Variants in HS6ST3 observed in about 807,000 individuals in gnomAD.
HS6ST3 encodes the protein heparan-sulfate 6-O-sulfotransferase 3.
Under a neutral mutation model 36.7 loss-of-function variants are expected in HS6ST3, and 12 were observed. The ratio of observed to expected loss-of-function variants is 0.33; its 90% CI spans 0.21 to 0.53. HS6ST3 has a LOEUF of 0.53. Among genes scored for constraint, HS6ST3 ranks in the 20% least tolerant of loss-of-function variants. HS6ST3 has a pLI of 0.95. For missense variants in HS6ST3, 584 were observed against 640.9 expected (o/e 0.91, Z 0.96); for synonymous variants, 240 against 257.5 (o/e 0.93, Z 0.65).
intron 1 of HS6ST3, among the ~76,000 whole-genome samples, chr13:96,629,128 T>C (rs937268913): frequency 6.6e-6 from 1 of 152,216 alleles, no homozygotes; most frequent in African/African-American, 2.4e-5. Context: ...CTAAAATGCA[T>C]AATTAGCACA....
chr13:96,557,201 T>C (rs2056244416), intron 1 of HS6ST3, among the ~76,000 whole-genome samples: 1 of 152,202 alleles, frequency 6.6e-6, no homozygotes, highest in Non-Finnish European at 1.5e-5. Context: ...TGCAAGTACC[T>C]GTGAGGTGGG....
intron 1 of HS6ST3, among the ~76,000 whole-genome samples, chr13:96,829,679 C>A (rs184753551): frequency 6.6e-6 from 1 of 152,216 alleles, no homozygotes; most frequent in Admixed American, 6.5e-5. Context: ...TTTATGGATG[C>A]ATAGTATTCC....
chr13:96,442,514 A>G (rs2055676626), intron 1 of HS6ST3, among the ~76,000 whole-genome samples: 1 of 152,232 alleles, frequency 6.6e-6, no homozygotes, highest in African/African-American at 2.4e-5. Flanking sequence ...ATCAATCAGG[A>G]AACCAGAATA....
intron 1 of HS6ST3, among the ~76,000 whole-genome samples, chr13:96,732,152 T>G (rs1343708310): frequency 6.6e-6 from 1 of 152,202 alleles, no homozygotes; most frequent in African/African-American, 2.4e-5. Flanking sequence ...TCCCTGATGA[T>G]TCATGAAACT....
At chr13:96,721,955 A>G (rs552874332) in intron 1 of HS6ST3, among the ~76,000 whole-genome samples, 3 of 152,204 alleles carry the variant, frequency 2.0e-5, no homozygotes, top group Non-Finnish European at 4.4e-5. Flanking sequence ...CATTTAAGTA[A>G]GAGATGGTTA....
intron 1 of HS6ST3, among the ~76,000 whole-genome samples, chr13:96,718,104 G>A (rs2138466484): frequency 6.6e-6 from 1 of 152,228 alleles, no homozygotes; most frequent in Non-Finnish European, 1.5e-5. Flanking sequence ...GAGATGTCCT[G>A]AATGCCCCAG....
chr13:96,459,100 T>TAAAAAAAAAAAAAAAAAAAA (rs747439262), intron 1 of HS6ST3, among the ~76,000 whole-genome samples: 643 of 63,804 alleles, frequency 0.01, 50 homozygotes, highest in Non-Finnish European at 0.013. Context: ...CAAGACTGTC[T>TAAAAAAAAAAAAAAAAAAAA]AAAAAAAAAA....
At chr13:96,784,421 A>G (rs1033391810) in intron 1 of HS6ST3, among the ~76,000 whole-genome samples, 3 of 152,154 alleles carry the variant, frequency 2.0e-5, no homozygotes, top group African/African-American at 7.2e-5. Flanking sequence ...ATAAAGTAAC[A>G]TATGCTAATA....
At chr13:96,459,709 G>A (rs1396203762) in intron 1 of HS6ST3, among the ~76,000 whole-genome samples, 1 of 152,074 alleles carries the variant, frequency 6.6e-6, no homozygotes, top group Non-Finnish European at 1.5e-5. Context: ...CTCAGCTCTA[G>A]GTACACACAT....
At chr13:96,593,888 C>T (rs2056392298) in intron 1 of HS6ST3, among the ~76,000 whole-genome samples, 1 of 151,530 alleles carries the variant, frequency 6.6e-6, no homozygotes, top group African/African-American at 2.4e-5. Flanking sequence ...TTTTTCCATC[C>T]TTTCACCTTT....
chr13:96,415,659 G>C (rs1168522492), intron 1 of HS6ST3, among the ~76,000 whole-genome samples: 2 of 152,144 alleles, frequency 1.3e-5, no homozygotes. Context: ...GATGTTCTCT[G>C]TGGATCTTGC....
At chr13:96,556,831 C>T (rs1308436169) in intron 1 of HS6ST3, among the ~76,000 whole-genome samples, 1 of 152,116 alleles carries the variant, frequency 6.6e-6, no homozygotes, top group African/African-American at 2.4e-5. Flanking sequence ...TGAGTCATTA[C>T]TCATAAGAAT....
At chr13:96,569,069 CAG>C (rs2056291822) in intron 1 of HS6ST3, among the ~76,000 whole-genome samples, 1 of 152,180 alleles carries the variant, frequency 6.6e-6, no homozygotes, top group Non-Finnish European at 1.5e-5. Context: ...GGCTTTAAAA[CAG>C]ATATACTTTA....
intron 1 of HS6ST3, among the ~76,000 whole-genome samples, chr13:96,509,776 A>G (rs1594796667): frequency 6.6e-6 from 1 of 152,108 alleles, no homozygotes; most frequent in South Asian, 2.1e-4. Context: ...GTCTGGTGAT[A>G]TTATGCTTCC....
intron 1 of HS6ST3, among the ~76,000 whole-genome samples, chr13:96,531,931 A>G (rs1189665083): frequency 6.6e-6 from 1 of 152,214 alleles, no homozygotes; most frequent in Non-Finnish European, 1.5e-5. Context: ...GGAGGAAGAA[A>G]ACAACCTCGA....
rs113952102 is a variant in HS6ST3 at position 96,624,862 on chromosome 13, T to A, written c.708-207628T>A. ...TTTTTGATTCATTCTATTGTTAATT[T>A]TTTTTCCAATTTGGGTTATTAAATA... On this transcript the variant is annotated intron_variant, in intron 1 of 1. Coordinates refer to ENST00000376705, the MANE Select transcript of HS6ST3 (RefSeq NM_153456.4). 2.2e-4 allele frequency among the ~76,000 whole-genome samples: 34 copies of A among 152,330 alleles called. 2 individuals carry two copies. Among genetic ancestry groups the A allele is most frequent in the African/African-American group, 7.9e-4 (33 of 41,570 alleles).
intron 1 of HS6ST3, among the ~76,000 whole-genome samples, chr13:96,587,915 T>C (rs1355525980): frequency 6.6e-6 from 1 of 152,244 alleles, no homozygotes; most frequent in Non-Finnish European, 1.5e-5. Flanking sequence ...GTTTGTACTA[T>C]CTTCAATTTC....
chr13:96,727,423 C>A (rs1307768848), intron 1 of HS6ST3, among the ~76,000 whole-genome samples: 1 of 151,980 alleles, frequency 6.6e-6, no homozygotes, highest in Admixed American at 6.6e-5. Context: ...ATTTCAAACT[C>A]CACTACATTA....
chr13:96,559,831 G>A (rs1027377033), intron 1 of HS6ST3, among the ~76,000 whole-genome samples: 4 of 151,794 alleles, frequency 2.6e-5, no homozygotes, highest in African/African-American at 4.8e-5. Context: ...AATAGGTTTT[G>A]TGCAGCTGGG....
Sources: allele counts gnomAD v4.1 joint callset (sites outside exome capture counted in the v4.1 genomes callset), GRCh38; gene constraint gnomAD v4.1.1; transcripts MANE v1.5; gene names NCBI Gene and HGNC (gene_info 2026-07-23, HGNC 2026-07-21).